The following MAGI2 variants were observed in gnomAD, a reference collection of about 807,000 sequenced individuals.
The protein encoded by MAGI2 is membrane-associated guanylate kinase, WW and PDZ domain-containing protein 2.
A neutral mutation model predicts 133.3 loss-of-function variants in MAGI2; 35 were observed. The observed-to-expected ratio is 0.26, with a 90% CI of 0.20 to 0.35. The LOEUF is 0.35. Ranked by LOEUF, MAGI2 falls within the 10% of genes least tolerant of loss-of-function variation. The pLI, the probability that MAGI2 is intolerant of heterozygous loss-of-function variation, is 1.00. For missense variants in MAGI2, 1,636 were observed against 1,863.4 expected (o/e 0.88, Z 2.25); for synonymous variants, 729 against 710.6 (o/e 1.03, Z -0.41).
At chr7:79,432,576 G>A (rs1224970409) in intron 1 of MAGI2, among the ~76,000 whole-genome samples, 1 of 152,208 alleles carries the variant, frequency 6.6e-6, no homozygotes, top group Non-Finnish European at 1.5e-5. Context: ...GGTCAGGGAT[G>A]CCTGAGGTTT....
intron 1 of MAGI2, among the ~76,000 whole-genome samples, chr7:79,255,689 C>T (rs1233494896): frequency 6.6e-6 from 1 of 151,992 alleles, no homozygotes; most frequent in Non-Finnish European, 1.5e-5. Flanking sequence ...ATATTAGAGT[C>T]TGGTAAGTCA....
At chr7:78,083,418 G>GAGAGAGAGAGAGAC (rs1447012897) in intron 20 of MAGI2, among the ~76,000 whole-genome samples, 1 of 142,616 alleles carries the variant, frequency 7.0e-6, no homozygotes, top group Non-Finnish European at 1.5e-5. Context: ...GAGAGAGAGA[G>GAGAGAGAGAGAGAC]AGAGAGAGAG....
intron 2 of MAGI2, among the ~76,000 whole-genome samples, chr7:78,979,648 T>G (rs1804613070): frequency 6.6e-6 from 1 of 151,840 alleles, no homozygotes; most frequent in Non-Finnish European, 1.5e-5. Flanking sequence ...TGTTCTCAAG[T>G]TCAATTCCCA....
At chr7:78,717,904 A>G (rs1399794821) in intron 2 of MAGI2, among the ~76,000 whole-genome samples, 3 of 152,312 alleles carry the variant, frequency 2.0e-5, no homozygotes, top group Non-Finnish European at 4.4e-5. Flanking sequence ...TGTGAAAGTC[A>G]GTTTCAACTT....
intron 7 of MAGI2, among the ~76,000 whole-genome samples, chr7:78,366,908 A>G (rs1793436984): frequency 6.6e-6 from 1 of 152,136 alleles, no homozygotes; most frequent in Non-Finnish European, 1.5e-5. Flanking sequence ...CGGGAAGAAA[A>G]TTAAACTATT....
chr7:78,941,011 G>A (rs1800922325), intron 2 of MAGI2: 1 of 152,182 alleles, frequency 6.6e-6, no homozygotes, highest in African/African-American at 2.4e-5. Flanking sequence ...ATATTACAAG[G>A]AAATTGATAC....
At chr7:78,732,142 C>G (rs28573851) in intron 2 of MAGI2, among the ~76,000 whole-genome samples, 2,608 of 152,254 alleles carry the variant, frequency 0.017, 63 homozygotes, top group African/African-American at 0.06. Context: ...GCACCTCCAT[C>G]ATCATCTCCG....
intron 9 of MAGI2, among the ~76,000 whole-genome samples, chr7:78,327,857 G>C (rs1054300470): frequency 2.0e-5 from 3 of 152,118 alleles, no homozygotes; most frequent in Non-Finnish European, 2.9e-5. Flanking sequence ...TTCTGACTCA[G>C]GGCTAAGTGC....
chr7:78,092,139 G>A (rs1817271477), intron 20 of MAGI2, among the ~76,000 whole-genome samples: 1 of 152,166 alleles, frequency 6.6e-6, no homozygotes, highest in Non-Finnish European at 1.5e-5. Context: ...TGCACAAGGA[G>A]TATACCAAGT....
chr7:79,079,716 A>C (rs1362342275), intron 1 of MAGI2, among the ~76,000 whole-genome samples: 1 of 152,168 alleles, frequency 6.6e-6, no homozygotes, highest in African/African-American at 2.4e-5. Flanking sequence ...ATTTCTAAAT[A>C]GCCCTAAGAA....
intron 6 of MAGI2, among the ~76,000 whole-genome samples, chr7:78,421,551 C>T (rs991466851): frequency 2.6e-5 from 4 of 152,312 alleles, no homozygotes; most frequent in East Asian, 1.9e-4. Flanking sequence ...TGCTGGCTCA[C>T]GCCTATAATC....
rs922019178 is a variant in MAGI2, at chr7:78,180,288, A to G, written c.2312-2186T>C. On this transcript the variant is annotated intron_variant, in intron 13 of 21. Transcript: ENST00000354212. ...AACTTGTTCTTCCAGTGACTTCAGC[A>G]CCCATCCATATTGCACAAGGAGCTT... Among the ~76,000 whole-genome samples, 7 of 152,146 alleles carry G rather than the reference A, an allele frequency of 4.6e-5. No homozygotes were observed. In the East Asian group the frequency reaches 1.4e-3, roughly 29 times the overall value.
At chr7:78,812,569 C>G (rs974914987) in intron 2 of MAGI2, among the ~76,000 whole-genome samples, 1 of 137,514 alleles carries the variant, frequency 7.3e-6, no homozygotes, top group Non-Finnish European at 1.5e-5. Context: ...CAGTTATCTA[C>G]CTACATATAT....
chr7:78,902,191 A>G (rs1436120272), intron 2 of MAGI2, among the ~76,000 whole-genome samples: 1 of 152,140 alleles, frequency 6.6e-6, no homozygotes, highest in Non-Finnish European at 1.5e-5. Flanking sequence ...TTGCTCCAAA[A>G]TGATGTTTAG....
intron 21 of MAGI2, among the ~76,000 whole-genome samples, chr7:78,054,695 T>C (rs1317529638): frequency 1.3e-5 from 2 of 151,982 alleles, no homozygotes; most frequent in African/African-American, 4.8e-5. Flanking sequence ...TCTTGCTCTC[T>C]GTCACCCAGG....
intron 1 of MAGI2, among the ~76,000 whole-genome samples, chr7:79,367,108 G>A (rs980211824): frequency 5.3e-5 from 8 of 152,276 alleles, no homozygotes; most frequent in East Asian, 1.9e-4. Context: ...AAAAAAGAGC[G>A]TAATGGGAAA....
chr7:79,205,955 G>T lies in MAGI2; in HGVS notation c.302-198749C>A, dbSNP rs538549872. 6.5e-4 allele frequency among the ~76,000 whole-genome samples: 99 copies of T among 151,392 alleles called. 2 individuals are homozygous for T. Among genetic ancestry groups the T allele is most frequent in the African/African-American group, 2.3e-3 (94 of 41,208 alleles). ...TTAACCAATAATGAAGACAGCAAGA[G>T]AGAAAGGAAGAACAAAGGATCTATG... On this transcript the variant is annotated intron_variant, in intron 1 of 21. Transcript: ENST00000354212.
At chr7:78,398,156 C>A (rs888727781) in intron 6 of MAGI2, among the ~76,000 whole-genome samples, 4 of 152,124 alleles carry the variant, frequency 2.6e-5, no homozygotes, top group African/African-American at 9.7e-5. Context: ...AAAGGAATGT[C>A]AAATTGAATC....
At chr7:79,307,167 G>T (rs998853121) in intron 1 of MAGI2, among the ~76,000 whole-genome samples, 1 of 152,118 alleles carries the variant, frequency 6.6e-6, no homozygotes. Flanking sequence ...TTACTGAGGA[G>T]TTAGTGACAA....
Sources: allele counts gnomAD v4.1 joint callset (sites outside exome capture counted in the v4.1 genomes callset), GRCh38; gene constraint gnomAD v4.1.1; transcripts MANE v1.5; gene names NCBI Gene and HGNC (gene_info 2026-07-23, HGNC 2026-07-21).